Variants in RTTN observed in about 807,000 individuals in gnomAD.
RTTN encodes rotatin.
RTTN carries 182 observed loss-of-function variants against 269.2 expected under a neutral mutation model. The observed-to-expected ratio is 0.68, with a 90% confidence interval of 0.60 to 0.76. RTTN has a LOEUF of 0.76. Among genes scored for constraint, RTTN ranks in the 30% least tolerant of loss-of-function variants. The pLI, the probability that RTTN is intolerant of heterozygous loss-of-function variation, is 0.00. For synonymous variants in RTTN, 1,006 were observed against 963.5 expected, an observed-to-expected ratio of 1.04 and a Z score of -0.82; for missense variants, 2,545 against 2,608.6, an observed-to-expected ratio of 0.98 and a Z score of 0.53.
intron 26 of RTTN, among the ~76,000 whole-genome samples, chr18:70,121,195 C>G (rs1316601305): frequency 2.0e-5 from 3 of 152,116 alleles, no homozygotes; most frequent in Non-Finnish European, 4.4e-5. Flanking sequence ...CACTATACCC[C>G]CTCCTGCCTC....
chr18:70,045,174 T>A (rs1328188111), intron 40 of RTTN, among the ~76,000 whole-genome samples: 1 of 152,228 alleles, frequency 6.6e-6, no homozygotes, highest in African/African-American at 2.4e-5. Flanking sequence ...CCCTATGGGA[T>A]ACTGCTATAA....
rs1203122022 is a variant in RTTN, at chr18:70,024,710, G to A, written c.5950+12C>T. On this transcript the variant is annotated intron_variant, in intron 44 of 48. Coordinates refer to ENST00000640769, the MANE Select transcript of RTTN (RefSeq NM_173630.4). ...TGGTATATTATTGAAAGGCAGTATT[G>A]GATCCTATTACCATTTGGAAAATTT... 3 of 1,608,640 alleles carry A rather than the reference G, an allele frequency of 1.9e-6. No homozygotes were observed. The highest frequency in any genetic ancestry group is 2.6e-6 in the Non-Finnish European group (3 of 1,175,724).
At position 70,101,661 on chromosome 18, in the gene RTTN, G is replaced by A. The variant is rs576604540; in HGVS notation, c.3903+7837C>T. Among the ~76,000 whole-genome samples, 8 of 152,230 alleles carry A rather than the reference G, an allele frequency of 5.3e-5. No individual in the cohort carries two copies. In the South Asian group the frequency reaches 1.7e-3, roughly 32 times the overall value. On this transcript the variant is annotated intron_variant, in intron 28 of 48. Coordinates refer to ENST00000640769, the MANE Select transcript of RTTN (RefSeq NM_173630.4). ...TCTTGCTTTTCTACTTCTTTTAACT[G>A]TGATGTTAGGGTGTCAATTTTAGAT...
At chr18:70,171,447 T>G (rs1478646815) in intron 11 of RTTN, among the ~76,000 whole-genome samples, 1 of 152,214 alleles carries the variant, frequency 6.6e-6, no homozygotes, top group African/African-American at 2.4e-5. Context: ...AATTTCCTTT[T>G]CTCGCTTCAC....
At chr18:70,142,019 C>T (rs2060269250) in intron 19 of RTTN, among the ~76,000 whole-genome samples, 1 of 152,126 alleles carries the variant, frequency 6.6e-6, no homozygotes, top group Admixed American at 6.5e-5. Context: ...AAGGCATTAG[C>T]AAACTTCTTC....
At chr18:70,032,340 C>T (rs2057039775) in intron 40 of RTTN, among the ~76,000 whole-genome samples, 1 of 152,182 alleles carries the variant, frequency 6.6e-6, no homozygotes, top group Non-Finnish European at 1.5e-5. Flanking sequence ...GACTGCCTGA[C>T]TAGCAGAGTG....
At position 70,127,605 on chromosome 18, in the gene RTTN, T is replaced by C. The variant is rs1329175749; in HGVS notation, c.3280A>G (p.Arg1094Gly). 1 of 1,613,564 alleles carries C rather than the reference T, an allele frequency of 6.2e-7. No individual in the cohort carries two copies. The highest frequency in any genetic ancestry group is 1.7e-5 in the Admixed American group (1 of 59,868). Residue 1094 changes from arginine (R) to glycine (G), a missense_variant, in exon 25 of 49, where the codon AGG becomes GGG. Arg to Gly is a moderately radical substitution (Grantham distance 125). Transcript: ENST00000640769. The stretch of plus-strand genomic sequence containing the variant: ...TCATTCAGAAGATAAAAACTCATCC[T>C]GGTGACAGCAGCCCTAACTTCCCTG... The part of the protein sequence containing the change: ...THREVRAAVT[R>G]MSFYLLNDRL...
intron 37 of RTTN, among the ~76,000 whole-genome samples, chr18:70,054,494 C>T (rs2144840497): frequency 6.6e-6 from 1 of 152,258 alleles, no homozygotes; most frequent in African/African-American, 2.4e-5. Flanking sequence ...ATACACCAAA[C>T]AAAGCAATGT....
At chr18:70,166,878 G>T in intron 13 of RTTN, 41 bp downstream of exon 13, 1 of 1,300,464 alleles carries the variant, frequency 7.7e-7, no homozygotes, top group Non-Finnish European at 1.1e-6. Context: ...CACCCTAAGT[G>T]TCCAATAATA....
At chr18:70,101,750 G>A (rs2059173843) in intron 28 of RTTN, among the ~76,000 whole-genome samples, 1 of 152,124 alleles carries the variant, frequency 6.6e-6, no homozygotes, top group African/African-American at 2.4e-5. Context: ...TGCTTTAAAT[G>A]TGTCCCAGAA....
intron 31 of RTTN, 61 bp from the exon 32 acceptor site, chr18:70,086,745 C>T (rs1236517224): frequency 2.1e-6 from 3 of 1,399,144 alleles, no homozygotes; most frequent in African/African-American, 3.2e-5. Context: ...GTCAATACTG[C>T]CATCTTGTGG....
intron 30 of RTTN, 40 bp from the exon 31 acceptor site, chr18:70,088,187 C>T (rs776164797): frequency 1.9e-6 from 3 of 1,548,242 alleles, no homozygotes; most frequent in Non-Finnish European, 2.6e-6. Context: ...TCAAATAAGC[C>T]TTTTTCCTAA....
intron 8 of RTTN, among the ~76,000 whole-genome samples, chr18:70,192,087 C>A (rs1010799135): frequency 1.3e-5 from 2 of 152,116 alleles, no homozygotes; most frequent in Non-Finnish European, 2.9e-5. Context: ...AATAATAATA[C>A]TAATGCTATA....
rs548404980 is a variant in RTTN, at chr18:70,003,565, A to G, written c.*586T>C. 2 of 152,362 alleles carry G rather than the reference A, an allele frequency of 1.3e-5. No individual in the cohort carries two copies. The highest frequency in any genetic ancestry group is 4.1e-4 in the South Asian group (2 of 4,826). The allele number at this position is 152,362 out of a possible 1,614,324, so 9.4% of individuals were successfully genotyped here. ...AGCTACTTACAAATCATGTACATTT[A>G]CTTCCACACAGCCCTTTACAAATAA... On this transcript the variant is annotated 3_prime_UTR_variant, in exon 49 of 49. Transcript: ENST00000640769.
chr18:70,093,960 C>T (rs1270327822), intron 28 of RTTN, among the ~76,000 whole-genome samples: 1 of 152,178 alleles, frequency 6.6e-6, no homozygotes, highest in African/African-American at 2.4e-5. Context: ...TTAATTATTG[C>T]CTCAATTTCA....
At chr18:70,052,231 T>C (rs1201300473) in intron 38 of RTTN, among the ~76,000 whole-genome samples, 2 of 152,160 alleles carry the variant, frequency 1.3e-5, no homozygotes, top group Non-Finnish European at 1.5e-5. Flanking sequence ...TCCACTATAA[T>C]GTAAACTTTA....
rs201443817 is a variant in RTTN, at chr18:70,168,868, T to A, written c.1676A>T (p.Asp559Val). Residue 559 changes from aspartate to valine, a missense_variant, in exon 12 of 49, where the codon GAT becomes GTT. Transcript: ENST00000640769. ...SIECTCNFLSDIGKEGEKNLL... is the reference protein window; with the variant it reads ...SIECTCNFLSVIGKEGEKNLL... ...AAAGCTTTTTACCTCTTTCCCAATA[T>A]CAGACAGGAAGTTACAGGTGCATTC... 6.2e-7 allele frequency: 1 copy of A among 1,606,884 alleles called. No individual in the cohort carries two copies. Among genetic ancestry groups the A allele is most frequent in the Admixed American group, 1.7e-5 (1 of 58,838 alleles).
intron 25 of RTTN, among the ~76,000 whole-genome samples, chr18:70,127,096 A>G (rs1157197333): frequency 6.6e-6 from 1 of 152,182 alleles, no homozygotes; most frequent in East Asian, 1.9e-4. Context: ...GTAAAAAGAA[A>G]AATGATATAA....
intron 21 of RTTN, among the ~76,000 whole-genome samples, chr18:70,136,816 A>G (rs1449781582): frequency 6.6e-6 from 1 of 152,158 alleles, no homozygotes; most frequent in Non-Finnish European, 1.5e-5. Context: ...AGATGATCAC[A>G]CAACATGATT....
Sources: gnomAD v4.1 joint callset for allele counts (sites outside exome capture counted in the v4.1 genomes callset) on GRCh38, gnomAD v4.1.1 for gene constraint, MANE v1.5 for transcripts, NCBI Gene and HGNC (gene_info 2026-07-23, HGNC 2026-07-21) for gene names.